The following DLG2 variants were observed in gnomAD, a reference collection of about 807,000 sequenced individuals.
DLG2 encodes the protein disks large homolog 2.
A neutral mutation model predicts 132.5 loss-of-function variants in DLG2; 45 were observed. That is an observed-to-expected ratio of 0.34 (90% CI 0.27 to 0.44). The LOEUF (loss-of-function observed/expected upper bound fraction) is 0.44. DLG2 is among the 20% of genes least tolerant of loss of function. The pLI is 1.00. For missense variants in DLG2, 1,045 were observed against 1,196.9 expected (o/e 0.87, Z 1.87); for synonymous variants, 424 against 419.6 (o/e 1.01, Z -0.13).
At chr11:84,021,229 G>GA (rs1409938666) in intron 11 of DLG2, among the ~76,000 whole-genome samples, 2 of 151,810 alleles carry the variant, frequency 1.3e-5, no homozygotes, top group African/African-American at 4.8e-5. Flanking sequence ...TCATCTTACA[G>GA]AAAAAGTAAC....
intron 11 of DLG2, among the ~76,000 whole-genome samples, chr11:84,018,591 G>C (rs2095291869): frequency 6.6e-6 from 1 of 151,828 alleles, no homozygotes. Flanking sequence ...AAAAGGGCGT[G>C]CCATCACCTA....
intron 18 of DLG2, among the ~76,000 whole-genome samples, chr11:83,775,076 A>G (rs749739475): frequency 1.3e-5 from 2 of 152,088 alleles, no homozygotes; most frequent in African/African-American, 2.4e-5. Context: ...ATCTGCTCCT[A>G]ATCCAGGCCC....
intron 4 of DLG2, among the ~76,000 whole-genome samples, chr11:85,202,929 A>G (rs1044233368): frequency 1.3e-4 from 19 of 151,712 alleles, no homozygotes; most frequent in African/African-American, 4.6e-4. Context: ...AACAATAAAT[A>G]TCTACATAAA....
intron 16 of DLG2, among the ~76,000 whole-genome samples, chr11:83,855,149 C>T (rs184117900): frequency 2.7e-4 from 41 of 152,188 alleles, no homozygotes; most frequent in African/African-American, 4.8e-5. Context: ...TTGAAATGGT[C>T]GAAATCCAGA....
intron 7 of DLG2, among the ~76,000 whole-genome samples, chr11:84,345,039 T>G (rs890660965): frequency 3.9e-5 from 6 of 152,208 alleles, no homozygotes; most frequent in Non-Finnish European, 8.8e-5. Flanking sequence ...TATGTAATAT[T>G]TGAGATCCCT....
chr11:83,890,802 T>G (rs2069572269), intron 15 of DLG2, among the ~76,000 whole-genome samples: 1 of 152,040 alleles, frequency 6.6e-6, no homozygotes, highest in Admixed American at 6.6e-5. Flanking sequence ...GACCTGAACC[T>G]GAAATAACCA....
At chr11:85,104,139 G>A (rs1410043350) in intron 6 of DLG2, among the ~76,000 whole-genome samples, 2 of 151,926 alleles carry the variant, frequency 1.3e-5, no homozygotes, top group East Asian at 3.9e-4. Context: ...AATGTTATGG[G>A]AAACAGTTTG....
At position 84,903,040 on chromosome 11, in the gene DLG2, A is replaced by G. The variant is rs566179491; in HGVS notation, c.357+208621T>C. 9.1e-5 allele frequency among the ~76,000 whole-genome samples: 12 copies of G among 132,246 alleles called. No homozygotes were observed. In the South Asian group the frequency reaches 3.4e-3, roughly 38 times the overall value. 86.8% of individuals were successfully genotyped at this position (132,246 alleles called of 152,430 possible). A position where few individuals can be genotyped will look rare whatever the true frequency, so the allele number is the denominator to read the frequency against. ...CAATAGCTTCTTAACTCTATTCATC[A>G]TTTCCTCTCTGATTCCATACCCAGG... On this transcript the variant is annotated intron_variant, in intron 6 of 27. Transcript: ENST00000376104.
intron 7 of DLG2, among the ~76,000 whole-genome samples, chr11:84,461,820 A>G (rs977406071): frequency 2.1e-4 from 31 of 150,990 alleles, no homozygotes; most frequent in African/African-American, 7.5e-4. Flanking sequence ...AGATAGAGCA[A>G]TTAGTTCTGG....
intron 3 of DLG2, among the ~76,000 whole-genome samples, chr11:85,442,016 C>T (rs577427488): frequency 1.5e-4 from 22 of 151,480 alleles, no homozygotes; most frequent in Admixed American, 4.0e-4. Flanking sequence ...AGGAAAGTAT[C>T]CCATACAGAA....
At chr11:85,149,473 T>G (rs963965183) in intron 5 of DLG2, among the ~76,000 whole-genome samples, 3 of 152,186 alleles carry the variant, frequency 2.0e-5, no homozygotes, top group Admixed American at 6.5e-5. Flanking sequence ...ATCTTGATTA[T>G]CTGATGCCAC....
intron 6 of DLG2, among the ~76,000 whole-genome samples, chr11:84,562,566 T>C (rs2099430634): frequency 6.6e-6 from 1 of 152,172 alleles, no homozygotes; most frequent in Admixed American, 6.6e-5. Flanking sequence ...GTCTATGAGA[T>C]CTATGAGTCC....
At chr11:84,513,949 G>C (rs1435023703) in intron 7 of DLG2, among the ~76,000 whole-genome samples, 1 of 151,902 alleles carries the variant, frequency 6.6e-6, no homozygotes, top group Non-Finnish European at 1.5e-5. Context: ...TGTCTGACAA[G>C]GGATTATAGC....
chr11:83,753,835 G>GGC lies in DLG2; in HGVS notation c.1825+32854_1825+32855insGC, dbSNP rs1491536488. On this transcript the variant is annotated intron_variant, in intron 18 of 27. Transcript: ENST00000376104. ...TCATATATATATTTCATATATATAT[G>GGC]ATATATATCATATATATCATATATA... Among the ~76,000 whole-genome samples the GGC allele has an allele frequency of 4.4e-4, 8 of 18,352 alleles. 1 individual carries two copies. The highest frequency in any genetic ancestry group is 4.1e-3 in the African/African-American group (7 of 1,694). The allele number at this position is 18,352 out of a possible 152,430, so 12.0% of individuals were successfully genotyped here. A position where few individuals can be genotyped will look rare whatever the true frequency, so the allele number is the denominator to read the frequency against.
chr11:84,727,515 A>C (rs1596630692), intron 6 of DLG2, among the ~76,000 whole-genome samples: 1 of 152,104 alleles, frequency 6.6e-6, no homozygotes, highest in African/African-American at 2.4e-5. Context: ...TACAGTGTGA[A>C]GTAAGATAGC....
chr11:85,500,522 C>A (rs1342751187), intron 3 of DLG2, among the ~76,000 whole-genome samples: 2 of 136,682 alleles, frequency 1.5e-5, no homozygotes, highest in Non-Finnish European at 1.5e-5. Context: ...GCACATGTAC[C>A]CTAAAACTTA....
At chr11:83,833,519 A>G in intron 17 of DLG2, 95 bp downstream of exon 17, 1 of 1,329,036 alleles carries the variant, frequency 7.5e-7, no homozygotes, top group Non-Finnish European at 1.0e-6. Flanking sequence ...TTTCCTTTGT[A>G]ATTAAGGTGC....
intron 6 of DLG2, among the ~76,000 whole-genome samples, chr11:84,881,955 TC>T (rs1330649775): frequency 2.0e-5 from 3 of 152,128 alleles, no homozygotes; most frequent in Non-Finnish European, 4.4e-5. Flanking sequence ...TGTTTAAAGT[TC>T]TTAATATACT....
At chr11:83,562,890 T>C (rs1255340119) in intron 19 of DLG2, among the ~76,000 whole-genome samples, 1 of 151,340 alleles carries the variant, frequency 6.6e-6, no homozygotes, top group Non-Finnish European at 1.5e-5. Flanking sequence ...GCATCTGGTC[T>C]TTAAGATTTC....
Sources: allele counts gnomAD v4.1 joint callset (sites outside exome capture counted in the v4.1 genomes callset), GRCh38; gene constraint gnomAD v4.1.1; transcripts MANE v1.5; gene names NCBI Gene and HGNC (gene_info 2026-07-23, HGNC 2026-07-21).